The following RIPK4 variants were observed in gnomAD, a reference collection of about 807,000 sequenced individuals.
The protein encoded by RIPK4 is receptor interacting serine/threonine kinase 4, also known as receptor-interacting serine/threonine-protein kinase 4.
In RIPK4, 17 loss-of-function variants were observed where a neutral mutation model predicts 42.9. That is an observed-to-expected ratio of 0.40 (90% CI 0.27 to 0.59). RIPK4 has a LOEUF of 0.59. Ranked by LOEUF, RIPK4 falls within the 20% of genes least tolerant of loss-of-function variation. RIPK4 has a pLI of 0.47. For synonymous variants in RIPK4, 498 were observed against 499.1 expected (o/e 1.00, Z 0.03); for missense variants, 897 against 1,104.4 (o/e 0.81, Z 2.66).
At chr21:41,745,254 C>G (rs1455624002) in intron 6 of RIPK4, among the ~76,000 whole-genome samples, 1 of 152,232 alleles carries the variant, frequency 6.6e-6, no homozygotes, top group Non-Finnish European at 1.5e-5. Flanking sequence ...ATAAAGCTCA[C>G]TTATCAGCTG....
At position 41,744,099 on chromosome 21, in the gene RIPK4, G is replaced by A. The variant is rs764372263; in HGVS notation, c.978C>T (p.Phe326=). The A allele has an allele frequency of 1.0e-5, 16 of 1,607,598 alleles. No individual in the cohort carries two copies. The highest frequency in any genetic ancestry group is 6.7e-5 in the East Asian group (3 of 44,736). The change falls in exon 7 of 8, where the codon TTC becomes TTT. Residue 326 remains phenylalanine, a synonymous_variant. Transcript: ENST00000332512. ...ARLKRASAPT[F]DNDYSLSELL... Reference sequence around the variant, plus strand: ...GCTCGGAGAGGCTGTAGTCGTTATCGAAGGTGGGGGCAGAGGCCCGCTTGA... The same window carrying A: ...GCTCGGAGAGGCTGTAGTCGTTATCAAAGGTGGGGGCAGAGGCCCGCTTGA...
chr21:41,756,163 G>GTC (rs1445241488), intron 2 of RIPK4, among the ~76,000 whole-genome samples: 2 of 152,100 alleles, frequency 1.3e-5, no homozygotes, highest in African/African-American at 2.4e-5. Context: ...AGAGCCTAAG[G>GTC]TCTCGCAAGG....
chr21:41,747,286 G>A (rs186511194), intron 4 of RIPK4, among the ~76,000 whole-genome samples: 1 of 152,274 alleles, frequency 6.6e-6, no homozygotes, highest in African/African-American at 2.4e-5. Context: ...CGGTGCACCA[G>A]GGCTGGGATG....
chr21:41,755,732 C>T lies in RIPK4; in HGVS notation c.474+793G>A, dbSNP rs915024693. On this transcript the variant is annotated intron_variant, in intron 2 of 7. Coordinates refer to ENST00000332512, the MANE Select transcript of RIPK4 (RefSeq NM_020639.3). This position sits in a 1 kb window ranked among gnomAD's most constrained non-coding sequence, Gnocchi z 4.2. ...CCTGGGCCTCCCAAGAGCATGTGAA[C>T]ATCACCACGTGGGGAAAAACTACAA... Among the ~76,000 whole-genome samples, 1 of 152,236 alleles carries T rather than the reference C, an allele frequency of 6.6e-6. No individual in the cohort carries two copies. The highest frequency in any genetic ancestry group is 6.5e-5 in the Admixed American group (1 of 15,286).
chr21:41,755,034 T>C lies in RIPK4; in HGVS notation c.474+1491A>G, dbSNP rs899691027. On this transcript the variant is annotated intron_variant, in intron 2 of 7. Transcript: ENST00000332512. This position sits in a 1 kb window ranked among gnomAD's most constrained non-coding sequence, Gnocchi z 4.2. ...TGTCCTTTCCGGTATTCAGTGCACG[T>C]TGGACGGCAGAGCTTACTAGTCATT... Among the ~76,000 whole-genome samples, 2 of 152,150 alleles carry C rather than the reference T, an allele frequency of 1.3e-5. No homozygotes were observed. The highest frequency in any genetic ancestry group is 3.2e-3 in the Middle Eastern group (1 of 316).
At chr21:41,746,189 T>A (rs769315406) in intron 5 of RIPK4, 1 of 627,668 alleles carries the variant, frequency 1.6e-6, no homozygotes, top group African/African-American at 1.8e-5. Flanking sequence ...AAGCTTTAAA[T>A]GCAGCAGTTT....
At position 41,741,390 on chromosome 21, in the gene RIPK4, C is replaced by T. The variant is rs758760107; in HGVS notation, c.1803G>A (p.Thr601=). The part of the protein sequence containing the change: ...KQPGVSVNAQ[T]LDGRTPLHLA... ...GGTGCAATGGCGTCCTCCCATCCAG[C>T]GTCTGGGCGTTCACACTCACCCCCG... is the stretch of plus-strand genomic sequence containing the variant. Residue 601 remains threonine (T), a synonymous_variant, in exon 8 of 8, where the codon ACG becomes ACA. Transcript: ENST00000332512. 5.6e-5 allele frequency: 91 copies of T among 1,612,442 alleles called. No homozygotes were observed. The Admixed American group carries it at 1.1e-3, about 20-fold the overall frequency.
intron 1 of RIPK4, among the ~76,000 whole-genome samples, chr21:41,760,553 G>A (rs571440298): frequency 6.6e-6 from 1 of 152,340 alleles, no homozygotes; most frequent in East Asian, 1.9e-4. Flanking sequence ...GCAGAGCGGA[G>A]CAGTCGCTGT....
rs886057084 is a variant in RIPK4 at position 41,740,109 on chromosome 21, G to A, written c.*729C>T. 1.3e-5 allele frequency: 2 copies of A among 152,210 alleles called. No homozygotes were observed. Among genetic ancestry groups the A allele is most frequent in the South Asian group, 2.1e-4 (1 of 4,824 alleles). The allele number at this position is 152,210 out of a possible 1,614,324, so 9.4% of individuals were successfully genotyped here. A position where few individuals can be genotyped will look rare whatever the true frequency, so the allele number is the denominator to read the frequency against. On this transcript the variant is annotated 3_prime_UTR_variant, in exon 8 of 8. Coordinates refer to ENST00000332512, the MANE Select transcript of RIPK4 (RefSeq NM_020639.3). ...ACATCTTAGGCAACGAGAAACGAAC[G>A]GCAGCTAGTACCATGTGGGCACGTG...
chr21:41,740,803 C>A lies in RIPK4; in HGVS notation c.*35G>T. On this transcript the variant is annotated 3_prime_UTR_variant, in exon 8 of 8. Coordinates refer to ENST00000332512, the MANE Select transcript of RIPK4 (RefSeq NM_020639.3). ...CGAGGAACACAGGACAGGACAAGAG[C>A]CCCACGTGGACCCCCGGTCTCCGCA... 1.3e-6 allele frequency: 2 copies of A among 1,555,826 alleles called. No individual in the cohort carries two copies. The highest frequency in any genetic ancestry group is 1.2e-5 in the South Asian group (1 of 83,090).
At chr21:41,749,911 A>G (rs1018461541) in intron 3 of RIPK4, among the ~76,000 whole-genome samples, 14 of 148,134 alleles carry the variant, frequency 9.5e-5, no homozygotes, top group Middle Eastern at 3.2e-3. Flanking sequence ...AAAAAAAAAG[A>G]AAAGAAAAAC....
At position 41,740,665 on chromosome 21, in the gene RIPK4, G is replaced by C. The variant is rs1008340022; in HGVS notation, c.*173C>G. 2 of 648,774 alleles carry C rather than the reference G, an allele frequency of 3.1e-6. No homozygotes were observed. Among genetic ancestry groups the C allele is most frequent in the African/African-American group, 3.7e-5 (2 of 54,518 alleles). 40.2% of individuals were successfully genotyped at this position (648,774 alleles called of 1,614,324 possible). On this transcript the variant is annotated 3_prime_UTR_variant, in exon 8 of 8. Transcript: ENST00000332512. ...TGTGCACCTGAGCCAGCTTCACCTG[G>C]AGGGGACACTCCGGTCAGCAGCAGC...
chr21:41,766,001 T>G (rs1463567250), intron 1 of RIPK4, among the ~76,000 whole-genome samples: 1 of 152,260 alleles, frequency 6.6e-6, no homozygotes, highest in East Asian at 1.9e-4. Flanking sequence ...CTTTGTTACC[T>G]TGAACACTCC....
Position 41,743,943 on chromosome 21 carries a change from G to A in RIPK4, c.1134C>T (p.Asp378=), listed in dbSNP as rs373032073. Residue 378 remains aspartate (D), a synonymous_variant, in exon 7 of 8, where the codon GAC becomes GAT. Coordinates refer to ENST00000332512, the MANE Select transcript of RIPK4 (RefSeq NM_020639.3). ...GTGATCCTCTGGAAGAGAAGGCGGAGTCCACCGAGGACACCCCCGAGAGCC... is the reference window on the plus strand; with the variant it reads ...GTGATCCTCTGGAAGAGAAGGCGGAATCCACCGAGGACACCCCCGAGAGCC... ...GKRLSGVSSV[D]SAFSSRGSLS... The A allele has an allele frequency of 4.4e-5, 71 of 1,613,030 alleles. 1 individual carries two copies. The highest frequency in any genetic ancestry group is 3.7e-4 in the South Asian group (34 of 91,054).
In RIPK4 at chr21:41,766,876, G is replaced by A. The variant is rs1365827729; in HGVS notation, c.166C>T (p.Leu56=). Residue 56 remains leucine (L), a synonymous_variant, in exon 1 of 8, where the codon CTG becomes TTG. Coordinates refer to ENST00000332512, the MANE Select transcript of RIPK4 (RefSeq NM_020639.3). ...GCCGCTCACCTGTCGTCGACGTGCAGGCTGGGCGAGCACTTGATGGCCAGC... is the reference window on the plus strand; with the variant it reads ...GCCGCTCACCTGTCGTCGACGTGCAAGCTGGGCGAGCACTTGATGGCCAGC... ...TWLAIKCSPS[L]HVDDRERMEL... is the part of the protein sequence containing the mutation. The A allele has an allele frequency of 1.2e-6, 2 of 1,609,866 alleles. No individual in the cohort carries two copies. The highest frequency in any genetic ancestry group is 2.7e-5 in the African/African-American group (2 of 74,520).
At chr21:41,745,652 G>C (rs1252578085) in intron 6 of RIPK4, 107 bp downstream of exon 6, 1 of 788,416 alleles carries the variant, frequency 1.3e-6, no homozygotes, top group Non-Finnish European at 2.2e-6. Context: ...GCTCAGAAGA[G>C]AGGGAGAGTG....
In RIPK4 at chr21:41,757,664, C is replaced by T. The variant is rs190291746; in HGVS notation, c.183-848G>A. 4.4e-3 allele frequency among the ~76,000 whole-genome samples: 667 copies of T among 151,972 alleles called. 5 individuals carry two copies. The highest frequency in any genetic ancestry group is 0.015 in the African/African-American group (621 of 41,426). ...CTAATGAAACAGCATAGGTCCAAAG[C>T]ATGGGGTTGCCAACAGCCAAATCCA... On this transcript the variant is annotated intron_variant, in intron 1 of 7. Coordinates refer to ENST00000332512, the MANE Select transcript of RIPK4 (RefSeq NM_020639.3).
At chr21:41,761,061 C>A (rs527784682) in intron 1 of RIPK4, among the ~76,000 whole-genome samples, 1 of 152,352 alleles carries the variant, frequency 6.6e-6, no homozygotes, top group South Asian at 2.1e-4. Flanking sequence ...CCTCTCCCTG[C>A]AGCCACAGGC....
rs1470396958 is a variant in RIPK4 at position 41,756,726 on chromosome 21, A to G, written c.273T>C (p.Pro91=). 6.2e-7 allele frequency: 1 copy of G among 1,614,230 alleles called. No individual in the cohort carries two copies. The highest frequency in any genetic ancestry group is 2.2e-5 in the East Asian group (1 of 44,878). ...ILPVYGICRE[P]VGLVMEYMET... ...CCATGTACTCCATGACCAGGCCGAC[A>G]GGTTCGCGGCAGATGCCATACACAG... is the stretch of plus-strand genomic sequence containing the variant. The change falls in exon 2 of 8, where the codon CCT becomes CCC. Residue 91 remains proline, a synonymous_variant. Coordinates refer to ENST00000332512, the MANE Select transcript of RIPK4 (RefSeq NM_020639.3).
Sources: gnomAD v4.1 joint callset for allele counts (sites outside exome capture counted in the v4.1 genomes callset) on GRCh38, gnomAD v4.1.1 for gene constraint, Gnocchi (gnomAD v3.1) non-coding constraint, MANE v1.5 for transcripts, NCBI Gene and HGNC (gene_info 2026-07-23, HGNC 2026-07-21) for gene names.